C4orf46: variants seen among roughly 807,000 people sequenced by gnomAD.
C4orf46 encodes the protein renal cancer differentiation gene 1 protein.
A neutral mutation model predicts 9.1 loss-of-function variants in C4orf46; 8 were observed. The ratio of observed to expected loss-of-function variants is 0.88; its 90% CI spans 0.52 to 1.59. The LOEUF (loss-of-function observed/expected upper bound fraction) is 1.59, where lower values mean the gene tolerates loss of function less well. C4orf46 is among the 40% of genes most tolerant of loss of function. The pLI is 0.00. For synonymous variants in C4orf46, 51 were observed against 58.8 expected (o/e 0.87, Z 0.61); for missense variants, 151 against 139.1 (o/e 1.09, Z -0.43).
At chr4:158,670,850 G>C (rs2150299078) in intron 1 of C4orf46, among the ~76,000 whole-genome samples, 1 of 152,154 alleles carries the variant, frequency 6.6e-6, no homozygotes, top group African/African-American at 2.4e-5. Flanking sequence ...CATTCCACTT[G>C]ACCCACTCAA....
chr4:158,667,003 T>C lies in C4orf46; in HGVS notation c.*2610A>G, dbSNP rs749443883. 1 of 152,256 alleles carries C rather than the reference T, an allele frequency of 6.6e-6. No individual in the cohort carries two copies. The highest frequency in any genetic ancestry group is 6.5e-5 in the Admixed American group (1 of 15,286). 9.4% of individuals were successfully genotyped at this position (152,256 alleles called of 1,614,324 possible). A position where few individuals can be genotyped will look rare whatever the true frequency, so the allele number is the denominator to read the frequency against. ...TATCAAAGAAGTTTGTATGGCTTGC[T>C]ACAGGTAGGAAAGGACAGTTAAAAT... On this transcript the variant is annotated 3_prime_UTR_variant, in exon 2 of 2. Coordinates refer to ENST00000379205, the MANE Select transcript of C4orf46 (RefSeq NM_001008393.4).
At position 158,666,777 on chromosome 4, in the gene C4orf46, G is replaced by C. The variant is rs187256100; in HGVS notation, c.*2836C>G. The C allele has an allele frequency of 2.4e-4, 36 of 152,314 alleles. No individual in the cohort carries two copies. Among genetic ancestry groups the C allele is most frequent in the Admixed American group, 2.3e-3 (35 of 15,308 alleles). 9.4% of individuals were successfully genotyped at this position (152,314 alleles called of 1,614,324 possible). On this transcript the variant is annotated 3_prime_UTR_variant, in exon 2 of 2. Coordinates refer to ENST00000379205, the MANE Select transcript of C4orf46 (RefSeq NM_001008393.4). ...ACACAAGTAGTGGCTTACAACTCTGGACTATATAGCATCTTCCACAAAGAA... is the reference window on the plus strand; with the variant it reads ...ACACAAGTAGTGGCTTACAACTCTGCACTATATAGCATCTTCCACAAAGAA...
chr4:158,666,934 C>T lies in C4orf46; in HGVS notation c.*2679G>A, dbSNP rs1773391845. Reference sequence around the variant, plus strand: ...GTAGATTCCTCTGGTGCTGTCTCAGCTGATTAGAGCCATCTTCTCATCTTG... The same window carrying T: ...GTAGATTCCTCTGGTGCTGTCTCAGTTGATTAGAGCCATCTTCTCATCTTG... On this transcript the variant is annotated 3_prime_UTR_variant, in exon 2 of 2. Transcript: ENST00000379205. 6.6e-6 allele frequency: 1 copy of T among 152,174 alleles called. No individual in the cohort carries two copies. Among genetic ancestry groups the T allele is most frequent in the South Asian group, 2.1e-4 (1 of 4,830 alleles). The allele number at this position is 152,174 out of a possible 1,614,324, so 9.4% of individuals were successfully genotyped here.
chr4:158,668,040 C>T lies in C4orf46; in HGVS notation c.*1573G>A, dbSNP rs1316756433. Reference sequence around the variant, plus strand: ...CAAAGCAAACTTCAAATGTATCTAACATTTGCAATTACATGCATATGTGTG... The same window carrying T: ...CAAAGCAAACTTCAAATGTATCTAATATTTGCAATTACATGCATATGTGTG... On this transcript the variant is annotated 3_prime_UTR_variant, in exon 2 of 2. Coordinates refer to ENST00000379205, the MANE Select transcript of C4orf46 (RefSeq NM_001008393.4). 1 of 152,188 alleles carries T rather than the reference C, an allele frequency of 6.6e-6. No homozygotes were observed. The highest frequency in any genetic ancestry group is 1.5e-5 in the Non-Finnish European group (1 of 68,036). The allele number at this position is 152,188 out of a possible 1,614,324, so 9.4% of individuals were successfully genotyped here. A position where few individuals can be genotyped will look rare whatever the true frequency, so the allele number is the denominator to read the frequency against.
chr4:158,670,926 T>G (rs1158001481), intron 1 of C4orf46, among the ~76,000 whole-genome samples: 1 of 151,872 alleles, frequency 6.6e-6, no homozygotes, highest in Non-Finnish European at 1.5e-5. Context: ...GGTTGGGAGG[T>G]GGGGTGCTAG....
rs1009817946 is a variant in C4orf46 at position 158,667,431 on chromosome 4, A to C, written c.*2182T>G. 3 of 152,216 alleles carry C rather than the reference A, an allele frequency of 2.0e-5. No homozygotes were observed. Among genetic ancestry groups the C allele is most frequent in the African/African-American group, 7.2e-5 (3 of 41,458 alleles). The allele number at this position is 152,216 out of a possible 1,614,324, so 9.4% of individuals were successfully genotyped here. A position where few individuals can be genotyped will look rare whatever the true frequency, so the allele number is the denominator to read the frequency against. On this transcript the variant is annotated 3_prime_UTR_variant, in exon 2 of 2. Transcript: ENST00000379205. ...GGTAAAATTACGTTTTTAAAAATTC[A>C]AGATTTCATAACCAAAATATGAAGA... is the stretch of plus-strand genomic sequence containing the variant.
In C4orf46 at chr4:158,671,622, GATCTGCAGC is replaced by G; in HGVS notation, c.171_179del (p.Glu57_Ile60delinsAsp). Reference sequence around the variant, plus strand: ...GTCCCGACACCACACTCACGTCTCCGATCTGCAGCTCCACTTCCTCCAGCTGGTCCACCG... The same window carrying G: ...GTCCCGACACCACACTCACGTCTCCGTCCACTTCCTCCAGCTGGTCCACCG... On this transcript the variant is annotated inframe_deletion, in exon 1 of 2. Coordinates refer to ENST00000379205, the MANE Select transcript of C4orf46 (RefSeq NM_001008393.4). 1.9e-6 allele frequency: 3 copies of G among 1,558,824 alleles called. No individual in the cohort carries two copies. Among genetic ancestry groups the G allele is most frequent in the Non-Finnish European group, 2.6e-6 (3 of 1,148,808 alleles).
chr4:158,671,842 A>C lies in C4orf46; in HGVS notation c.-41T>G. Reference sequence around the variant, plus strand: ...CCGCGGAATCCGACCCGAGAAGCCGAACCGACACCAACTGTCTTTTAACCA... The same window carrying C: ...CCGCGGAATCCGACCCGAGAAGCCGCACCGACACCAACTGTCTTTTAACCA... On this transcript the variant is annotated 5_prime_UTR_variant, in exon 1 of 2. Coordinates refer to ENST00000379205, the MANE Select transcript of C4orf46 (RefSeq NM_001008393.4). The C allele has an allele frequency of 3.5e-6, 5 of 1,420,514 alleles. No homozygotes were observed. In the South Asian group the frequency reaches 7.2e-5, roughly 21 times the overall value. 88.0% of individuals were successfully genotyped at this position (1,420,514 alleles called of 1,614,324 possible). A position where few individuals can be genotyped will look rare whatever the true frequency, so the allele number is the denominator to read the frequency against.
chr4:158,669,783 T>C lies in C4orf46; in HGVS notation c.187-15A>G. Reference sequence around the variant, plus strand: ...GAAAAGGCTGCCTAAAAAAAAAAAGTCAAACATAATTTTATTTTTAAAATT... The same window carrying C: ...GAAAAGGCTGCCTAAAAAAAAAAAGCCAAACATAATTTTATTTTTAAAATT... On this transcript the variant is annotated splice_polypyrimidine_tract_variant and intron_variant, in intron 1 of 1. Transcript: ENST00000379205. The C allele has an allele frequency of 1.3e-6, 2 of 1,540,658 alleles. No homozygotes were observed. Among genetic ancestry groups the C allele is most frequent in the South Asian group, 2.4e-5 (2 of 83,118 alleles).
At position 158,667,666 on chromosome 4, in the gene C4orf46, A is replaced by T. The variant is rs1773415333; in HGVS notation, c.*1947T>A. Reference sequence around the variant, plus strand: ...CAGTGAGCTATGATCCTGCCACCACACTCCAGCCTGAGCAATAGAGTGAGA... The same window carrying T: ...CAGTGAGCTATGATCCTGCCACCACTCTCCAGCCTGAGCAATAGAGTGAGA... On this transcript the variant is annotated 3_prime_UTR_variant, in exon 2 of 2. Transcript: ENST00000379205. 1 of 151,648 alleles carries T rather than the reference A, an allele frequency of 6.6e-6. No individual in the cohort carries two copies. The highest frequency in any genetic ancestry group is 1.5e-5 in the Non-Finnish European group (1 of 67,920). 9.4% of individuals were successfully genotyped at this position (151,648 alleles called of 1,614,324 possible).
rs1773445323 is a variant in C4orf46 at position 158,668,859 on chromosome 4, A to C, written c.*754T>G. On this transcript the variant is annotated 3_prime_UTR_variant, in exon 2 of 2. Coordinates refer to ENST00000379205, the MANE Select transcript of C4orf46 (RefSeq NM_001008393.4). ...GGGAAAAAATATGCATTCTTTCTAA[A>C]CAGTCTTTCCCTTTCTGAAGTAAAG... is the stretch of plus-strand genomic sequence containing the variant. 1 of 152,226 alleles carries C rather than the reference A, an allele frequency of 6.6e-6. No individual in the cohort carries two copies. Among genetic ancestry groups the C allele is most frequent in the African/African-American group, 2.4e-5 (1 of 41,470 alleles). 9.4% of individuals were successfully genotyped at this position (152,226 alleles called of 1,614,324 possible).
At position 158,668,536 on chromosome 4, in the gene C4orf46, T is replaced by A. The variant is rs1438028364; in HGVS notation, c.*1077A>T. On this transcript the variant is annotated 3_prime_UTR_variant, in exon 2 of 2. Transcript: ENST00000379205. ...GAAGTTATATATGGTAGAGAATTAG[T>A]TGGCTTAATCGTTGACACACAACAC... 1 of 152,286 alleles carries A rather than the reference T, an allele frequency of 6.6e-6. No individual in the cohort carries two copies. Among genetic ancestry groups the A allele is most frequent in the African/African-American group, 2.4e-5 (1 of 41,458 alleles). 9.4% of individuals were successfully genotyped at this position (152,286 alleles called of 1,614,324 possible).
chr4:158,671,514 G>A, intron 1 of C4orf46, 102 bp downstream of exon 1: 4 of 1,243,554 alleles, frequency 3.2e-6, no homozygotes, highest in Non-Finnish European at 3.2e-6. Context: ...GTCGTCCCGG[G>A]TCATGGGGGT....
Position 158,666,879 on chromosome 4 carries a change from A to G in C4orf46, c.*2734T>C, listed in dbSNP as rs1773389774. ...GAGGCAGAAACTGTGGAAGGTAAAT[A>G]TATGTTAAGAAACTAATAGTTTCTT... On this transcript the variant is annotated 3_prime_UTR_variant, in exon 2 of 2. Coordinates refer to ENST00000379205, the MANE Select transcript of C4orf46 (RefSeq NM_001008393.4). The G allele has an allele frequency of 1.3e-5, 2 of 152,158 alleles. No individual in the cohort carries two copies. The highest frequency in any genetic ancestry group is 2.9e-5 in the Non-Finnish European group (2 of 68,040). 9.4% of individuals were successfully genotyped at this position (152,158 alleles called of 1,614,324 possible).
intron 1 of C4orf46, among the ~76,000 whole-genome samples, chr4:158,670,028 T>TTTTTTC (rs1773483319): frequency 8.8e-6 from 1 of 113,142 alleles, no homozygotes; most frequent in Non-Finnish European, 1.7e-5. Context: ...GTTTTCTTTT[T>TTTTTTC]TTTTTTTTTT....
rs1293960898 is a variant in C4orf46 at position 158,667,975 on chromosome 4, A to C, written c.*1638T>G. 6.6e-6 allele frequency: 1 copy of C among 152,182 alleles called. No individual in the cohort carries two copies. Among genetic ancestry groups the C allele is most frequent in the Non-Finnish European group, 1.5e-5 (1 of 68,026 alleles). The allele number at this position is 152,182 out of a possible 1,614,324, so 9.4% of individuals were successfully genotyped here. ...CCCCCTCTAGTGGTTACCTCTGGGG[A>C]CTCTGGGGAGGGAGGAACGGGACAG... On this transcript the variant is annotated 3_prime_UTR_variant, in exon 2 of 2. Transcript: ENST00000379205.
Position 158,669,665 on chromosome 4 carries a change from G to A in C4orf46, c.290C>T (p.Thr97Met). ...KCTENARFLK[T>M]WRDLLKEGYD... Reference sequence around the variant, plus strand: ...GCCTTCTTTCAAGAGGTCCCGCCACGTTTTAAGGAAACGTGCATTTTCTGT... The same window carrying A: ...GCCTTCTTTCAAGAGGTCCCGCCACATTTTAAGGAAACGTGCATTTTCTGT... The change falls in exon 2 of 2, where the codon ACG becomes ATG. Residue 97 changes from threonine to methionine, a missense_variant. Coordinates refer to ENST00000379205, the MANE Select transcript of C4orf46 (RefSeq NM_001008393.4). 2 of 1,613,826 alleles carry A rather than the reference G, an allele frequency of 1.2e-6. No individual in the cohort carries two copies. The highest frequency in any genetic ancestry group is 1.7e-6 in the Non-Finnish European group (2 of 1,179,924).
chr4:158,669,709 T>C lies in C4orf46; in HGVS notation c.246A>G (p.Glu82=). ...TTTCTGTACATTTGAAGGCAAGTTC[T>C]TCCACTTGAGCTGATACTGCAGATG... is the stretch of plus-strand genomic sequence containing the variant. The part of the protein sequence containing the change: ...EATSAVSAQV[E]ELAFKCTENA... Residue 82 remains glutamate (E), a synonymous_variant, in exon 2 of 2, where the codon GAA becomes GAG. Coordinates refer to ENST00000379205, the MANE Select transcript of C4orf46 (RefSeq NM_001008393.4). The C allele has an allele frequency of 6.2e-7, 1 of 1,613,856 alleles. No individual in the cohort carries two copies. The highest frequency in any genetic ancestry group is 1.1e-5 in the South Asian group (1 of 91,076).
At chr4:158,671,361 G>A (rs1486001642) in intron 1 of C4orf46, among the ~76,000 whole-genome samples, 1 of 152,186 alleles carries the variant, frequency 6.6e-6, no homozygotes, top group African/African-American at 2.4e-5. Flanking sequence ...AGAAACCAGT[G>A]AGGGGTGGGG....
Sources: gnomAD v4.1 joint callset for allele counts (sites outside exome capture counted in the v4.1 genomes callset) on GRCh38, gnomAD v4.1.1 for gene constraint, MANE v1.5 for transcripts, NCBI Gene and HGNC (gene_info 2026-07-23, HGNC 2026-07-21) for gene names.